MYO16: variants seen among roughly 807,000 people sequenced by gnomAD.
The protein encoded by MYO16 is unconventional myosin-XVI.
MYO16 carries 94 observed loss-of-function variants against 205.3 expected under a neutral mutation model. The ratio of observed to expected loss-of-function variants is 0.46; its 90% CI spans 0.39 to 0.54. The LOEUF is 0.54. Among genes scored for constraint, MYO16 ranks in the 20% least tolerant of loss-of-function variants. The probability of loss-of-function intolerance (pLI) is 0.00; values close to 1 mark genes in which losing one functional copy is unlikely to be tolerated. For missense variants in MYO16, 2,315 were observed against 2,387.5 expected (o/e 0.97, Z 0.63); for synonymous variants, 988 against 954.0 (o/e 1.04, Z -0.66).
intron 3 of MYO16, among the ~76,000 whole-genome samples, chr13:108,726,782 A>G (rs1302632745): frequency 1.3e-5 from 2 of 152,144 alleles, no homozygotes; most frequent in Non-Finnish European, 2.9e-5. Context: ...AGTTTGAACT[A>G]TAAATAGTAA....
chr13:109,050,403 A>C (rs143869889), intron 24 of MYO16, among the ~76,000 whole-genome samples: 191 of 152,222 alleles, frequency 1.3e-3, no homozygotes, highest in African/African-American at 4.1e-3. Flanking sequence ...TCGGCACATC[A>C]CATTCGGAGG....
intron 28 of MYO16, among the ~76,000 whole-genome samples, chr13:109,104,945 A>G (rs1215138996): frequency 6.6e-6 from 1 of 151,634 alleles, no homozygotes; most frequent in East Asian, 1.9e-4. Flanking sequence ...ACCTTCTGTT[A>G]CGCTTCAGAT....
At chr13:108,780,732 C>T (rs1886274544) in intron 4 of MYO16, among the ~76,000 whole-genome samples, 1 of 152,146 alleles carries the variant, frequency 6.6e-6, no homozygotes, top group Non-Finnish European at 1.5e-5. Context: ...TTCACATGCA[C>T]CAGGCACTAT....
chr13:108,924,832 G>A lies in MYO16; in HGVS notation c.1925+14682G>A, dbSNP rs919411489. Among the ~76,000 whole-genome samples the A allele has an allele frequency of 4.7e-5, 7 of 148,960 alleles. No homozygotes were observed. In the East Asian group the frequency reaches 7.9e-4, roughly 17 times the overall value. On this transcript the variant is annotated intron_variant, in intron 16 of 34. Transcript: ENST00000457511. ...TTTGTTCAGCTTAACGTCTGTTGCC[G>A]CACCCTGACGTATTCAGTTTAACCT...
intron 23 of MYO16, among the ~76,000 whole-genome samples, chr13:109,020,979 TATC>T (rs1445569917): frequency 1.3e-5 from 2 of 152,182 alleles, no homozygotes; most frequent in African/African-American, 4.8e-5. Flanking sequence ...GATATAATAA[TATC>T]AACAAATGTA....
chr13:108,621,719 T>G (rs558844451), intron 1 of MYO16, among the ~76,000 whole-genome samples: 1 of 152,284 alleles, frequency 6.6e-6, no homozygotes, highest in Admixed American at 6.5e-5. Context: ...TACCAATGCC[T>G]ACGTCATTCC....
At chr13:108,895,599 T>G (rs1019521040) in intron 14 of MYO16, among the ~76,000 whole-genome samples, 5 of 152,370 alleles carry the variant, frequency 3.3e-5, no homozygotes, top group Middle Eastern at 3.4e-3. Flanking sequence ...CAGTAATTAC[T>G]GCATAGTGCA....
intron 1 of MYO16, among the ~76,000 whole-genome samples, chr13:108,658,506 A>G (rs1430045835): frequency 6.6e-6 from 1 of 151,676 alleles, no homozygotes; most frequent in Non-Finnish European, 1.5e-5. Context: ...CTTTAAAACT[A>G]TATTCTTTTC....
At chr13:109,114,808 A>G (rs1875592675) in intron 28 of MYO16, among the ~76,000 whole-genome samples, 1 of 152,236 alleles carries the variant, frequency 6.6e-6, no homozygotes. Context: ...CATGGGAAAC[A>G]ATTACTGATT....
intron 32 of MYO16, among the ~76,000 whole-genome samples, chr13:109,151,785 CA>C (rs1329604699): frequency 6.6e-6 from 1 of 152,176 alleles, no homozygotes; most frequent in Non-Finnish European, 1.5e-5. Flanking sequence ...AAGACTTAGG[CA>C]AAGCAATGAG....
chr13:108,564,776 T>C, the MYO16 span, among the ~76,000 whole-genome samples: 1 of 152,222 alleles, frequency 6.6e-6, no homozygotes, highest in Non-Finnish European at 1.5e-5. Context: ...GGTAGTTTCA[T>C]AGTCTGAGGT....
At chr13:108,923,012 A>G (rs1881816204) in intron 16 of MYO16, among the ~76,000 whole-genome samples, 1 of 152,222 alleles carries the variant, frequency 6.6e-6, no homozygotes, top group Non-Finnish European at 1.5e-5. Flanking sequence ...GTCACATGCT[A>G]GGAGCGTGAG....
chr13:108,569,475 C>A, the MYO16 span, among the ~76,000 whole-genome samples: 1 of 151,892 alleles, frequency 6.6e-6, no homozygotes, highest in African/African-American at 2.4e-5. Flanking sequence ...TATAAAAATA[C>A]AATTGATTTT....
chr13:108,598,116 C>A (rs889424134), intron 1 of MYO16, among the ~76,000 whole-genome samples: 13 of 152,302 alleles, frequency 8.5e-5, no homozygotes, highest in Admixed American at 2.6e-4. Context: ...GGAAAGGGGG[C>A]AGAGATCAAT....
rs1878456070 is a variant in MYO16, at chr13:109,162,960, C to T, written c.5165-1941C>T. On this transcript the variant is annotated intron_variant, in intron 32 of 34. Transcript: ENST00000457511. This position sits in a 1 kb window ranked among gnomAD's most constrained non-coding sequence, Gnocchi z 4.6. ...AGCTAAAACAGTTAAGATCACCTGA[C>T]TTTCACTTTTGTTGCCATTCTTGTA... Among the ~76,000 whole-genome samples, 1 of 152,200 alleles carries T rather than the reference C, an allele frequency of 6.6e-6. No individual in the cohort carries two copies. The highest frequency in any genetic ancestry group is 2.1e-4 in the South Asian group (1 of 4,832).
chr13:108,822,831 A>G (rs182117222), intron 8 of MYO16, among the ~76,000 whole-genome samples: 3 of 152,268 alleles, frequency 2.0e-5, no homozygotes, highest in Non-Finnish European at 4.4e-5. Flanking sequence ...AATGACATTA[A>G]GTTTGCTCAA....
Position 109,140,825 on chromosome 13 carries a change from T to C in MYO16, c.4613T>C (p.Val1538Ala), listed in dbSNP as rs746309187. The stretch of plus-strand genomic sequence containing the variant: ...GAGTCGCCCCTGACACCCCTGGAGG[T>C]GAAGAAGCTGCCAGTCCTGGAGACC... ...SDESPLTPLEVKKLPVLETNL... is the reference protein window; with the variant it reads ...SDESPLTPLEAKKLPVLETNL... Residue 1538 changes from valine to alanine, a missense_variant, in exon 32 of 35, where the codon GTG becomes GCG. This residue lies in a region of MYO16 where 1,097 missense variants were observed against 1,092.0 expected (regional missense o/e 1.00). Transcript: ENST00000457511. The surrounding 1 kb of genome is among the most constrained non-coding windows in gnomAD (Gnocchi z 8.0). 12 of 1,581,186 alleles carry C rather than the reference T, an allele frequency of 7.6e-6. No individual in the cohort carries two copies. The African/African-American group carries it at 1.6e-4, about 21-fold the overall frequency.
At chr13:108,749,279 A>C (rs906098577) in intron 4 of MYO16, among the ~76,000 whole-genome samples, 1 of 152,164 alleles carries the variant, frequency 6.6e-6, no homozygotes, top group African/African-American at 2.4e-5. Flanking sequence ...CTATCTGGCT[A>C]AAGTGTTTTG....
At chr13:109,161,266 G>A (rs1566542277) in intron 32 of MYO16, among the ~76,000 whole-genome samples, 1 of 152,210 alleles carries the variant, frequency 6.6e-6, no homozygotes, top group Non-Finnish European at 1.5e-5. Flanking sequence ...CTCGTCACAG[G>A]AAAGAAGCTC....
Sources: gnomAD v4.1 joint callset for allele counts (sites outside exome capture counted in the v4.1 genomes callset) on GRCh38, gnomAD v4.1.1 for gene constraint, gnomAD v4.1.1 regional missense constraint, Gnocchi (gnomAD v3.1) non-coding constraint, MANE v1.5 for transcripts, NCBI Gene and HGNC (gene_info 2026-07-23, HGNC 2026-07-21) for gene names.